Variants in CPEB2 observed in about 807,000 individuals in gnomAD.
The protein encoded by CPEB2 is cytoplasmic polyadenylation element binding protein 2.
Under a neutral mutation model 93.6 loss-of-function variants are expected in CPEB2, and 56 were observed. The ratio of observed to expected loss-of-function variants is 0.60; its 90% CI spans 0.48 to 0.75. CPEB2 has a LOEUF of 0.75. Ranked by LOEUF, CPEB2 falls within the 30% of genes least tolerant of loss-of-function variation. The pLI, the probability that CPEB2 is intolerant of heterozygous loss-of-function variation, is 0.00. For synonymous variants in CPEB2, 764 were observed against 586.3 expected, an observed-to-expected ratio of 1.30 and a Z score of -4.38; for missense variants, 1,579 against 1,395.1, an observed-to-expected ratio of 1.13 and a Z score of -2.10.
Position 15,056,383 on chromosome 4 carries a change from C to G in CPEB2, c.2462-2038C>G, listed in dbSNP as rs1205608745. 3.3e-5 allele frequency among the ~76,000 whole-genome samples: 5 copies of G among 152,132 alleles called. No homozygotes were observed. In the East Asian group the frequency reaches 9.6e-4, roughly 29 times the overall value. ...TTTGCATGAGCTACTTGTTCACTTACAAGGATGGTGTACTTTAAGCCTAGA... is the reference window on the plus strand; with the variant it reads ...TTTGCATGAGCTACTTGTTCACTTAGAAGGATGGTGTACTTTAAGCCTAGA... On this transcript the variant is annotated intron_variant, in intron 8 of 11. Coordinates refer to ENST00000538197, the MANE Select transcript of CPEB2 (RefSeq NM_001177382.2).
Position 15,002,685 on chromosome 4 carries a change from C to T in CPEB2, c.12C>T (p.Phe4=). ...CGGCGGCCTGATAAATGAGGGATTTCGGGTTTGGGGTGCTGCAGACCGCCC... is the reference window on the plus strand; with the variant it reads ...CGGCGGCCTGATAAATGAGGGATTTTGGGTTTGGGGTGCTGCAGACCGCCC... MRD[F]GFGVLQTAPL... is the part of the protein sequence containing the mutation. The change falls in exon 1 of 12, where the codon TTC becomes TTT. Residue 4 remains phenylalanine, a synonymous_variant. Coordinates refer to ENST00000538197, the MANE Select transcript of CPEB2 (RefSeq NM_001177382.2). The T allele has an allele frequency of 6.7e-7, 1 of 1,499,298 alleles. No homozygotes were observed. The highest frequency in any genetic ancestry group is 8.9e-7 in the Non-Finnish European group (1 of 1,125,086). 92.9% of individuals were successfully genotyped at this position (1,499,298 alleles called of 1,614,324 possible).
chr4:15,007,343 C>T lies in CPEB2; in HGVS notation c.1701C>T (p.Ser567=). The change falls in exon 2 of 12, where the codon AGC becomes AGT. Residue 567 remains serine (S), a synonymous_variant. Coordinates refer to ENST00000538197, the MANE Select transcript of CPEB2 (RefSeq NM_001177382.2). ...AGTCTCCCTGGAGCAACCATCAGAG[C>T]AGTGGCTGGGGCACTGGAAGTATGT... ...LKQSPWSNHQ[S]SGWGTGSMSW... is the part of the protein sequence containing the mutation. 6.3e-7 allele frequency: 1 copy of T among 1,587,858 alleles called. No individual in the cohort carries two copies. Among genetic ancestry groups the T allele is most frequent in the Non-Finnish European group, 8.6e-7 (1 of 1,163,172 alleles).
At chr4:15,034,594 C>T (rs1726424758) in intron 5 of CPEB2, among the ~76,000 whole-genome samples, 1 of 152,056 alleles carries the variant, frequency 6.6e-6, no homozygotes, top group Admixed American at 6.6e-5. Flanking sequence ...TGAACTTTTT[C>T]TGGCAAGGTA....
Position 15,003,425 on chromosome 4 carries a change from C to T in CPEB2, c.752C>T (p.Pro251Leu). The change falls in exon 1 of 12, where the codon CCG becomes CTG. Residue 251 changes from proline to leucine, a missense_variant. By Grantham distance (98) the Pro-to-Leu change is moderately conservative. This residue lies in a region of CPEB2 where 1,411 missense variants were observed against 1,056.0 expected (regional missense o/e 1.34). Transcript: ENST00000538197. ...CACCTCTCGCCGCAGGACTTCGCCC[C>T]GCGGCAGCGTCCGGCAGACCTGCCC... ...QQHLSPQDFA[P>L]RQRPADLPPL... 7.4e-7 allele frequency: 1 copy of T among 1,355,974 alleles called. No homozygotes were observed. 84.0% of individuals were successfully genotyped at this position (1,355,974 alleles called of 1,614,324 possible).
At position 15,003,574 on chromosome 4, in the gene CPEB2, T is replaced by C. The variant is rs1306778943; in HGVS notation, c.901T>C (p.Leu301=). The C allele has an allele frequency of 2.0e-6, 3 of 1,474,084 alleles. No homozygotes were observed. Among genetic ancestry groups the C allele is most frequent in the Admixed American group, 4.6e-5 (2 of 43,118 alleles). 91.3% of individuals were successfully genotyped at this position (1,474,084 alleles called of 1,614,324 possible). ...GSAAESPNAG[L]ASSTPVNPAP... is the part of the protein sequence containing the mutation. ...CGCCGCCGAGTCCCCCAATGCGGGC[T>C]TGGCCTCCTCGACGCCGGTGAACCC... Residue 301 remains leucine, a synonymous_variant, in exon 1 of 12, where the codon TTG becomes CTG. Transcript: ENST00000538197.
At chr4:15,035,156 A>G (rs1340148257) in intron 5 of CPEB2, among the ~76,000 whole-genome samples, 1 of 152,266 alleles carries the variant, frequency 6.6e-6, no homozygotes, top group African/African-American at 2.4e-5. Flanking sequence ...CAGAGCTAAT[A>G]TTGTTAGCTT....
chr4:15,018,851 A>T (rs1490014321), intron 4 of CPEB2, among the ~76,000 whole-genome samples: 1 of 144,694 alleles, frequency 6.9e-6, no homozygotes, highest in Non-Finnish European at 1.5e-5. Flanking sequence ...TCTTTTTGCT[A>T]GCCTGGGTTA....
At chr4:15,054,710 A>C (rs952120574) in intron 8 of CPEB2, among the ~76,000 whole-genome samples, 2 of 152,198 alleles carry the variant, frequency 1.3e-5, no homozygotes, top group Non-Finnish European at 2.9e-5. Flanking sequence ...CCACAGGACA[A>C]GAATTACAAA....
chr4:15,007,693 G>C (rs1723009822), intron 2 of CPEB2, 107 bp downstream of exon 2: 3 of 651,208 alleles, frequency 4.6e-6, no homozygotes, highest in African/African-American at 3.7e-5. Flanking sequence ...TTGAAATAAA[G>C]TTTTAATTTT....
At chr4:15,012,584 C>T (rs1335436923) in intron 3 of CPEB2, among the ~76,000 whole-genome samples, 2 of 152,012 alleles carry the variant, frequency 1.3e-5, no homozygotes, top group East Asian at 1.9e-4. Flanking sequence ...TTGAGTACTA[C>T]GTTATGCAGT....
At chr4:15,010,072 T>C (rs1039074659) in intron 3 of CPEB2, among the ~76,000 whole-genome samples, 4 of 151,984 alleles carry the variant, frequency 2.6e-5, no homozygotes, top group African/African-American at 9.7e-5. Flanking sequence ...TGTGATGAAG[T>C]AAAACACAGT....
chr4:15,037,876 G>C (rs1726784637), intron 5 of CPEB2, among the ~76,000 whole-genome samples: 1 of 152,094 alleles, frequency 6.6e-6, no homozygotes, highest in African/African-American at 2.4e-5. Flanking sequence ...AAAAACATAA[G>C]TCACTTAGTT....
At chr4:15,050,517 A>G (rs1728129374) in intron 6 of CPEB2, among the ~76,000 whole-genome samples, 1 of 152,136 alleles carries the variant, frequency 6.6e-6, no homozygotes, top group South Asian at 2.1e-4. Flanking sequence ...ACTTCTCTTC[A>G]TTTGATCTCT....
intron 3 of CPEB2, among the ~76,000 whole-genome samples, chr4:15,015,500 A>G (rs2108982317): frequency 6.6e-6 from 1 of 152,168 alleles, no homozygotes; most frequent in South Asian, 2.1e-4. Context: ...CTTAGTCTAC[A>G]GTACTGATTC....
intron 4 of CPEB2, among the ~76,000 whole-genome samples, chr4:15,024,839 G>T (rs1467023567): frequency 6.6e-6 from 1 of 150,844 alleles, no homozygotes; most frequent in Non-Finnish European, 1.5e-5. Context: ...TTTGCCTCCC[G>T]GGTTCAAGTG....
chr4:15,043,483 C>G (rs868572343), intron 6 of CPEB2, among the ~76,000 whole-genome samples: 39 of 152,208 alleles, frequency 2.6e-4, no homozygotes, highest in Middle Eastern at 3.4e-3. Flanking sequence ...ATATGGAAAA[C>G]TACTTATCAT....
chr4:15,003,316 G>T lies in CPEB2; in HGVS notation c.643G>T (p.Ala215Ser). The T allele has an allele frequency of 7.1e-7, 1 of 1,414,546 alleles. No homozygotes were observed. The highest frequency in any genetic ancestry group is 9.1e-7 in the Non-Finnish European group (1 of 1,100,760). The allele number at this position is 1,414,546 out of a possible 1,614,324, so 87.6% of individuals were successfully genotyped here. A position where few individuals can be genotyped will look rare whatever the true frequency, so the allele number is the denominator to read the frequency against. ...TCGGTTCAGCCCGCCGCCGCCGCCA[G>T]CCGGCCCGCTCCTCCAGCCGGCGCA... ...PGRFSPPPPPAGPLLQPAQLA... is the reference protein window; with the variant it reads ...PGRFSPPPPPSGPLLQPAQLA... Residue 215 changes from alanine (A) to serine (S), a missense_variant, in exon 1 of 12, where the codon GCC (alanine) becomes TCC (serine). Physicochemically the swap from Ala to Ser is moderately conservative, Grantham distance 99. This residue lies in a region of CPEB2 where 1,411 missense variants were observed against 1,056.0 expected (regional missense o/e 1.34). Coordinates refer to ENST00000538197, the MANE Select transcript of CPEB2 (RefSeq NM_001177382.2).
intron 6 of CPEB2, among the ~76,000 whole-genome samples, chr4:15,046,851 A>G (rs1389304546): frequency 6.6e-6 from 1 of 152,180 alleles, no homozygotes; most frequent in African/African-American, 2.4e-5. Flanking sequence ...TTCATTCACC[A>G]TTAGTGTCAT....
chr4:15,062,292 C>T, intron 11 of CPEB2, 32 bp downstream of exon 11: 2 of 1,553,976 alleles, frequency 1.3e-6, no homozygotes, highest in Non-Finnish European at 1.8e-6. Flanking sequence ...CACTTATGTC[C>T]TATAATAAGG....
Sources: allele counts gnomAD v4.1 joint callset (sites outside exome capture counted in the v4.1 genomes callset), GRCh38; gene constraint gnomAD v4.1.1; regional missense constraint gnomAD v4.1.1; transcripts MANE v1.5; gene names NCBI Gene and HGNC (gene_info 2026-07-23, HGNC 2026-07-21).